The following SMARCAL1 variants were observed in gnomAD, a reference collection of about 807,000 sequenced individuals.
The protein encoded by SMARCAL1 is ATP-driven annealing helicase.
SMARCAL1 carries 58 observed loss-of-function variants against 94.5 expected under a neutral mutation model. The observed-to-expected ratio is 0.61, with a 90% CI of 0.50 to 0.76. SMARCAL1 has a LOEUF of 0.76. Ranked by LOEUF, SMARCAL1 falls within the 30% of genes least tolerant of loss-of-function variation. SMARCAL1 has a pLI of 0.00. For synonymous variants in SMARCAL1, 422 were observed against 455.1 expected, an observed-to-expected ratio of 0.93 and a Z score of 0.93; for missense variants, 1,051 against 1,177.9, an observed-to-expected ratio of 0.89 and a Z score of 1.58.
chr2:216,444,143 T>C (rs570795032), intron 10 of SMARCAL1, among the ~76,000 whole-genome samples: 2 of 152,374 alleles, frequency 1.3e-5, no homozygotes, highest in Non-Finnish European at 2.9e-5. Context: ...TCAGGGTTAC[T>C]GAGTATGGAG....
Position 216,482,623 on chromosome 2 carries a change from A to T in SMARCAL1, c.2626-115A>T. 1 of 1,447,490 alleles carries T rather than the reference A, an allele frequency of 6.9e-7. No individual in the cohort carries two copies. Among genetic ancestry groups the T allele is most frequent in the Non-Finnish European group, 9.7e-7 (1 of 1,032,058 alleles). 89.7% of individuals were successfully genotyped at this position (1,447,490 alleles called of 1,614,324 possible). ...ACTTGCCATCGTGTAGCTCCCTGAC[A>T]CCATGAAATGTGTGGTCTCTCATCT... is the stretch of plus-strand genomic sequence containing the variant. On this transcript the variant is annotated intron_variant, in intron 17 of 17. Transcript: ENST00000357276. This position sits in a 1 kb window ranked among gnomAD's most constrained non-coding sequence, Gnocchi z 4.3.
rs111317170 is a variant in SMARCAL1 at position 216,451,344 on chromosome 2, G to A, written c.2070+280G>A. 1.4e-3 allele frequency: 626 copies of A among 450,842 alleles called. 3 individuals carry two copies. The highest frequency in any genetic ancestry group is 0.011 in the African/African-American group (576 of 50,560). 27.9% of individuals were successfully genotyped at this position (450,842 alleles called of 1,614,324 possible). A position where few individuals can be genotyped will look rare whatever the true frequency, so the allele number is the denominator to read the frequency against. ...ACAGCAGGGTGGTGATCAATATTCC[G>A]AATCCCTCAAAGAATGTGGAAATTA... On this transcript the variant is annotated intron_variant, in intron 12 of 17. Coordinates refer to ENST00000357276, the MANE Select transcript of SMARCAL1 (RefSeq NM_014140.4).
At chr2:216,454,321 A>G (rs1694511188) in intron 12 of SMARCAL1, among the ~76,000 whole-genome samples, 1 of 152,214 alleles carries the variant, frequency 6.6e-6, no homozygotes, top group African/African-American at 2.4e-5. Context: ...TAAAATAGAT[A>G]TCTATTGTAT....
intron 10 of SMARCAL1, among the ~76,000 whole-genome samples, chr2:216,440,049 GAA>G (rs60422006): frequency 0.42 from 51,497 of 122,170 alleles, 11,671 homozygotes; most frequent in African/African-American, 0.68. Context: ...CTCAAAAAAA[GAA>G]AAAAAAAAAA....
At chr2:216,424,760 T>C (rs1693794962) in intron 6 of SMARCAL1, among the ~76,000 whole-genome samples, 1 of 152,228 alleles carries the variant, frequency 6.6e-6, no homozygotes, top group South Asian at 2.1e-4. Context: ...TTTGGTTCCT[T>C]GAGCAAAACT....
Position 216,451,041 on chromosome 2 carries a change from G to C in SMARCAL1, c.2047G>C (p.Glu683Gln). The stretch of plus-strand genomic sequence containing the variant: ...AGCTGCCCTGGATGCTGCAGCCAAG[G>C]AAATGACCACCAAGGACAAAACTGT... ...TRAALDAAAK[E>Q]MTTKDKTKQQ... Residue 683 changes from glutamate to glutamine, a missense_variant, in exon 12 of 18, where the codon GAA becomes CAA. Transcript: ENST00000357276. 1 of 1,614,148 alleles carries C rather than the reference G, an allele frequency of 6.2e-7. No individual in the cohort carries two copies. Among genetic ancestry groups the C allele is most frequent in the Non-Finnish European group, 8.5e-7 (1 of 1,180,006 alleles).
chr2:216,459,562 C>G (rs377392696), intron 12 of SMARCAL1, among the ~76,000 whole-genome samples: 24 of 152,028 alleles, frequency 1.6e-4, no homozygotes, highest in African/African-American at 4.6e-4. Flanking sequence ...CTTGACAAAC[C>G]TGACAAAAAC....
chr2:216,457,102 A>G (rs1048911954), intron 12 of SMARCAL1, among the ~76,000 whole-genome samples: 12 of 147,612 alleles, frequency 8.1e-5, no homozygotes, highest in Non-Finnish European at 1.2e-4. Context: ...AGGCCGTTAC[A>G]TAATGGTAAA....
At chr2:216,420,225 C>A in intron 4 of SMARCAL1, 74 bp from the exon 5 acceptor site, 1 of 1,226,294 alleles carries the variant, frequency 8.2e-7, no homozygotes, top group Non-Finnish European at 1.2e-6. Flanking sequence ...TCTCCCTCTT[C>A]CCTTGCCTGT....
At chr2:216,427,246 A>C (rs2106027624) in intron 6 of SMARCAL1, 1 of 152,374 alleles carries the variant, frequency 6.6e-6, no homozygotes, top group South Asian at 2.1e-4. Context: ...CAGTAGAGAC[A>C]GTCGTTGTCA....
chr2:216,447,607 G>C (rs1436128704), intron 11 of SMARCAL1, among the ~76,000 whole-genome samples: 2 of 152,022 alleles, frequency 1.3e-5, no homozygotes, highest in African/African-American at 2.4e-5. Context: ...TAGGTGAGGG[G>C]GTAAGGGCTT....
intron 6 of SMARCAL1, among the ~76,000 whole-genome samples, chr2:216,426,664 C>T (rs1434190290): frequency 6.6e-6 from 1 of 152,128 alleles, no homozygotes; most frequent in Non-Finnish European, 1.5e-5. Flanking sequence ...AGTAAAATTG[C>T]CATCTGCCTT....
intron 8 of SMARCAL1, among the ~76,000 whole-genome samples, chr2:216,433,272 T>A (rs146607503): frequency 1.0e-3 from 153 of 152,274 alleles, no homozygotes; most frequent in Non-Finnish European, 1.7e-3. Context: ...TTTGTAAAGA[T>A]GAGGTTTTGC....
chr2:216,450,371 CATACTGCA>C (rs1259516212), intron 11 of SMARCAL1, among the ~76,000 whole-genome samples: 1 of 152,194 alleles, frequency 6.6e-6, no homozygotes, highest in Non-Finnish European at 1.5e-5. Context: ...TGGTGTAATC[CATACTGCA>C]GAACAACAGT....
Position 216,475,397 on chromosome 2 carries a change from C to T in SMARCAL1, c.2373C>T (p.Leu791=), listed in dbSNP as rs1454658107. Residue 791 remains leucine, a synonymous_variant, in exon 15 of 18, where the codon CTC becomes CTT. Coordinates refer to ENST00000357276, the MANE Select transcript of SMARCAL1 (RefSeq NM_014140.4). This position sits in a 1 kb window ranked among gnomAD's most constrained non-coding sequence, Gnocchi z 4.4. ...CCATCACCGCTGCCAATATGGGCCT[C>T]ACCTTCTCCTCGGCTGACCTGGTGG... is the stretch of plus-strand genomic sequence containing the variant. ...VLSITAANMG[L]TFSSADLVVF... is the part of the protein sequence containing the mutation. The T allele has an allele frequency of 1.2e-6, 2 of 1,614,182 alleles. No individual in the cohort carries two copies. Among genetic ancestry groups the T allele is most frequent in the Non-Finnish European group, 8.5e-7 (1 of 1,180,038 alleles).
chr2:216,417,736 G>A (rs539797612), intron 4 of SMARCAL1, among the ~76,000 whole-genome samples: 22 of 152,230 alleles, frequency 1.4e-4, no homozygotes, highest in Middle Eastern at 3.4e-3. Context: ...GTGTTGGAAC[G>A]GGGAGACCCA....
chr2:216,449,063 A>G (rs1245345387), intron 11 of SMARCAL1, among the ~76,000 whole-genome samples: 1 of 152,222 alleles, frequency 6.6e-6, no homozygotes, highest in Non-Finnish European at 1.5e-5. Flanking sequence ...ACTGGCATCT[A>G]GTGAGGGCCT....
At chr2:216,449,740 G>A (rs1694401661) in intron 11 of SMARCAL1, among the ~76,000 whole-genome samples, 1 of 152,098 alleles carries the variant, frequency 6.6e-6, no homozygotes, top group South Asian at 2.1e-4. Context: ...AAAAGACAAA[G>A]TAGCAGGCAC....
chr2:216,459,173 C>T (rs180856451), intron 12 of SMARCAL1, among the ~76,000 whole-genome samples: 24 of 151,860 alleles, frequency 1.6e-4, no homozygotes, highest in African/African-American at 3.4e-4. Context: ...ACTGGCTCAA[C>T]GAAATAAAAG....
Sources: allele counts gnomAD v4.1 joint callset (sites outside exome capture counted in the v4.1 genomes callset), GRCh38; gene constraint gnomAD v4.1.1; non-coding constraint Gnocchi (gnomAD v3.1); transcripts MANE v1.5; gene names NCBI Gene and HGNC (gene_info 2026-07-23, HGNC 2026-07-21).